The following PNO1 variants were observed in gnomAD, a reference collection of about 807,000 sequenced individuals.
PNO1 encodes the protein RNA-binding protein PNO1.
Under a neutral mutation model 28.4 loss-of-function variants are expected in PNO1, and 16 were observed. The observed-to-expected ratio is 0.56, with a 90% confidence interval of 0.38 to 0.85. PNO1 has a LOEUF of 0.85. Among genes scored for constraint, PNO1 ranks in the 40% least tolerant of loss-of-function variants. The probability of loss-of-function intolerance (pLI) is 0.00; values close to 1 mark genes in which losing one functional copy is unlikely to be tolerated. For missense variants in PNO1, 304 were observed against 312.2 expected (o/e 0.97, Z 0.20); for synonymous variants, 115 against 110.8 (o/e 1.04, Z -0.24).
chr2:68,161,863 A>G, intron 3 of PNO1, 97 bp downstream of exon 3: 1 of 788,500 alleles, frequency 1.3e-6, no homozygotes, highest in Non-Finnish European at 2.1e-6. Flanking sequence ...GGCCAGGCAC[A>G]GTGGCTCACA....
chr2:68,174,051 A>T (rs1461326213), intron 6 of PNO1, among the ~76,000 whole-genome samples: 1 of 152,210 alleles, frequency 6.6e-6, no homozygotes, highest in Non-Finnish European at 1.5e-5. Flanking sequence ...AGAGCTGCTG[A>T]ACAGCTTCAG....
At chr2:68,165,840 A>G (rs1673983407) in intron 5 of PNO1, among the ~76,000 whole-genome samples, 1 of 152,220 alleles carries the variant, frequency 6.6e-6, no homozygotes, top group African/African-American at 2.4e-5. Flanking sequence ...ATTGTGGCAT[A>G]ATTTACATAC....
At chr2:68,160,129 C>T (rs1391798374) in intron 2 of PNO1, among the ~76,000 whole-genome samples, 13 of 151,746 alleles carry the variant, frequency 8.6e-5, no homozygotes, top group East Asian at 1.9e-4. Flanking sequence ...CCACCACGCC[C>T]GGCTAATTTT....
At chr2:68,165,765 A>G (rs1200595187) in intron 5 of PNO1, among the ~76,000 whole-genome samples, 1 of 152,184 alleles carries the variant, frequency 6.6e-6, no homozygotes, top group Non-Finnish European at 1.5e-5. Flanking sequence ...TTACTGGTAA[A>G]TTTATAAGTA....
Position 68,161,887 on chromosome 2 carries a change from C to A in PNO1, c.441+121C>A, listed in dbSNP as rs1026727496. The A allele has an allele frequency of 4.4e-6, 3 of 681,018 alleles. No individual in the cohort carries two copies. In the East Asian group the frequency reaches 8.1e-5, roughly 18 times the overall value. The allele number at this position is 681,018 out of a possible 1,614,324, so 42.2% of individuals were successfully genotyped here. On this transcript the variant is annotated intron_variant, in intron 3 of 6. Transcript: ENST00000263657. ...CAGTGGCTCACACCTGTAATCTCAG[C>A]ACTCTGGGAGGCTGAGGCAGGTGGA...
chr2:68,173,473 A>G (rs2103694419), intron 6 of PNO1, 56 bp downstream of exon 6: 2 of 1,106,808 alleles, frequency 1.8e-6, no homozygotes, highest in Non-Finnish European at 2.8e-6. Flanking sequence ...AAGTTAATTG[A>G]GGAAGTCAAA....
At position 68,158,514 on chromosome 2, in the gene PNO1, G is replaced by C. The variant is rs1421078152; in HGVS notation, c.342G>C (p.Arg114Ser). 1 of 1,612,772 alleles carries C rather than the reference G, an allele frequency of 6.2e-7. No individual in the cohort carries two copies. The highest frequency in any genetic ancestry group is 8.5e-7 in the Non-Finnish European group (1 of 1,179,544). Residue 114 changes from arginine (R) to serine (S), a missense_variant, in exon 2 of 7, where the codon AGG (arginine) becomes AGC (serine). By Grantham distance (110) the Arg-to-Ser change is moderately radical. Transcript: ENST00000263657. ...GLQIRFNLKS[R>S]NVEIRTCKET... The stretch of plus-strand genomic sequence containing the variant: ...AGATACGCTTTAACTTGAAATCAAG[G>C]AATGTAGAAATCAGGGTAAGGAAAA...
chr2:68,174,120 C>G (rs1295955796), intron 6 of PNO1, among the ~76,000 whole-genome samples: 1 of 152,156 alleles, frequency 6.6e-6, no homozygotes, highest in Non-Finnish European at 1.5e-5. Context: ...TCAGTACTTT[C>G]TGATAAGAGT....
At chr2:68,174,441 AT>A (rs1674218865) in intron 6 of PNO1, among the ~76,000 whole-genome samples, 1 of 152,164 alleles carries the variant, frequency 6.6e-6, no homozygotes, top group African/African-American at 2.4e-5. Context: ...CAGAAAAAAA[AT>A]ATATAAAAAT....
chr2:68,160,937 T>G (rs891173131), intron 2 of PNO1, among the ~76,000 whole-genome samples: 2 of 152,234 alleles, frequency 1.3e-5, no homozygotes, highest in Admixed American at 6.5e-5. Context: ...TGAATGTGCA[T>G]GGGACAGTGG....
chr2:68,174,151 C>T (rs1482736031), intron 6 of PNO1, among the ~76,000 whole-genome samples: 1 of 152,188 alleles, frequency 6.6e-6, no homozygotes, highest in Non-Finnish European at 1.5e-5. Flanking sequence ...TAGCGGCTTG[C>T]TCAGAAAATT....
At chr2:68,159,550 C>T (rs1228176635) in intron 2 of PNO1, among the ~76,000 whole-genome samples, 3 of 152,000 alleles carry the variant, frequency 2.0e-5, no homozygotes, top group Non-Finnish European at 4.4e-5. Context: ...GGGAATTAGA[C>T]ATTTAAATTT....
chr2:68,164,805 A>G (rs1298667987), intron 5 of PNO1, among the ~76,000 whole-genome samples: 1 of 152,188 alleles, frequency 6.6e-6, no homozygotes, highest in Non-Finnish European at 1.5e-5. Context: ...TCCAAAAAAT[A>G]AAAAATTAAT....
chr2:68,170,474 G>A (rs543805043), intron 5 of PNO1, among the ~76,000 whole-genome samples: 30 of 152,280 alleles, frequency 2.0e-4, no homozygotes, highest in Middle Eastern at 3.4e-3. Context: ...TTGGCCGGGC[G>A]TGATGGCTCA....
Position 68,163,503 on chromosome 2 carries a change from C to T in PNO1, c.620+840C>T, listed in dbSNP as rs1267803537. Among the ~76,000 whole-genome samples the T allele has an allele frequency of 2.0e-5, 3 of 152,040 alleles. No individual in the cohort carries two copies. The East Asian group carries it at 5.8e-4, about 29-fold the overall frequency. On this transcript the variant is annotated intron_variant, in intron 5 of 6. Coordinates refer to ENST00000263657, the MANE Select transcript of PNO1 (RefSeq NM_020143.4). ...CCGAGATCATGCCACTGCACTCCAG[C>T]CTGGGCGACAGAGTGAGACTCTGTC... is the stretch of plus-strand genomic sequence containing the variant.
At chr2:68,161,625 A>T in intron 2 of PNO1, 58 bp from the exon 3 acceptor site, 1 of 1,033,280 alleles carries the variant, frequency 9.7e-7, no homozygotes, top group Non-Finnish European at 1.5e-6. Context: ...GTATTTTGTT[A>T]GGACATTTTC....
At chr2:68,167,500 T>C (rs1674024510) in intron 5 of PNO1, among the ~76,000 whole-genome samples, 1 of 152,326 alleles carries the variant, frequency 6.6e-6, no homozygotes, top group Non-Finnish European at 1.5e-5. Context: ...TTAGCAGCTT[T>C]ATAGATAACG....
In PNO1 at chr2:68,174,850, T is replaced by C. The variant is rs1331285068; in HGVS notation, c.*48T>C. 1 of 1,181,560 alleles carries C rather than the reference T, an allele frequency of 8.5e-7. No individual in the cohort carries two copies. The highest frequency in any genetic ancestry group is 1.8e-5 in the Admixed American group (1 of 55,902). 73.2% of individuals were successfully genotyped at this position (1,181,560 alleles called of 1,614,324 possible). A position where few individuals can be genotyped will look rare whatever the true frequency, so the allele number is the denominator to read the frequency against. On this transcript the variant is annotated 3_prime_UTR_variant, in exon 7 of 7. Transcript: ENST00000263657. The stretch of plus-strand genomic sequence containing the variant: ...CTTGCCTTTGGACTCTGGTGAAAAA[T>C]ACTTTACAGTGGTCGGTCACAAGAA...
chr2:68,168,991 CAATCTCGGCT>C (rs1674062318), intron 5 of PNO1, among the ~76,000 whole-genome samples: 1 of 127,484 alleles, frequency 7.8e-6, no homozygotes, highest in Non-Finnish European at 1.5e-5. Flanking sequence ...TGCAGTGGTG[CAATCTCGGCT>C]CACTGCAACC....
Sources: gnomAD v4.1 joint callset for allele counts (sites outside exome capture counted in the v4.1 genomes callset) on GRCh38, gnomAD v4.1.1 for gene constraint, MANE v1.5 for transcripts, NCBI Gene and HGNC (gene_info 2026-07-23, HGNC 2026-07-21) for gene names.